LRRC66: variants seen among roughly 807,000 people sequenced by gnomAD.
LRRC66 encodes leucine rich repeat containing 66.
Under a neutral mutation model 24.6 loss-of-function variants are expected in LRRC66, and 29 were observed. That is an observed-to-expected ratio of 1.18 (90% CI 0.88 to 1.61). The LOEUF is 1.61. LRRC66 is among the 40% of genes most tolerant of loss of function. LRRC66 has a pLI of 0.00. For missense variants in LRRC66, 1,124 were observed against 1,058.0 expected, an observed-to-expected ratio of 1.06 and a Z score of -0.87; for synonymous variants, 411 against 397.6, an observed-to-expected ratio of 1.03 and a Z score of -0.40.
Position 51,995,431 on chromosome 4 carries a change from T to C in LRRC66, c.1591A>G (p.Asn531Asp), listed in dbSNP as rs1394279557. Reference protein sequence around the residue: ...MSAAQDHIHRNDILGEWTYET... With the variant: ...MSAAQDHIHRDDILGEWTYET... ...TAAGTCCATTCTCCGAGAATATCAT[T>C]CCTATGGATGTGGTCCTGCGCTGCT... Residue 531 changes from asparagine (N) to aspartate (D), a missense_variant, in exon 5 of 5, where the codon AAT (asparagine) becomes GAT (aspartate). Asn to Asp is a conservative substitution (Grantham distance 23). Coordinates refer to ENST00000682860, the MANE Select transcript of LRRC66 (RefSeq NM_001024611.3). 4 of 1,614,022 alleles carry C rather than the reference T, an allele frequency of 2.5e-6. No homozygotes were observed. The highest frequency in any genetic ancestry group is 2.2e-5 in the East Asian group (1 of 44,876).
At position 51,995,187 on chromosome 4, in the gene LRRC66, G is replaced by A; in HGVS notation, c.1835C>T (p.Ser612Leu). 6.2e-7 allele frequency: 1 copy of A among 1,614,210 alleles called. No individual in the cohort carries two copies. The highest frequency in any genetic ancestry group is 8.5e-7 in the Non-Finnish European group (1 of 1,180,034). ...AAATTCCATCTGCGAGTCCCAAAGTGACTGTTCAGTGCCCCCTCTTTCCTT... is the reference window on the plus strand; with the variant it reads ...AAATTCCATCTGCGAGTCCCAAAGTAACTGTTCAGTGCCCCCTCTTTCCTT... ...DSKERGGTEQ[S>L]LWDSQMEFSK... The change falls in exon 5 of 5, where the codon TCA becomes TTA. Residue 612 changes from serine (S) to leucine (L), a missense_variant. By Grantham distance (145) the Ser-to-Leu change is moderately radical. Coordinates refer to ENST00000682860, the MANE Select transcript of LRRC66 (RefSeq NM_001024611.3).
At chr4:52,013,900 A>G (rs186007047) in intron 2 of LRRC66, among the ~76,000 whole-genome samples, 2 of 152,354 alleles carry the variant, frequency 1.3e-5, no homozygotes, top group East Asian at 3.9e-4. Context: ...TCAGACACAA[A>G]TAATTATCTG....
chr4:52,008,392 C>T (rs2110199692), intron 2 of LRRC66, among the ~76,000 whole-genome samples: 1 of 151,888 alleles, frequency 6.6e-6, no homozygotes, highest in Non-Finnish European at 1.5e-5. Context: ...GACAATTTTG[C>T]CATCCATGGA....
At chr4:52,007,150 GA>G (rs1197013470) in intron 2 of LRRC66, among the ~76,000 whole-genome samples, 1 of 152,094 alleles carries the variant, frequency 6.6e-6, no homozygotes, top group Non-Finnish European at 1.5e-5. Flanking sequence ...TTGAACTTAA[GA>G]GACTGAGGTT....
At chr4:52,004,869 T>G (rs1736538333) in intron 2 of LRRC66, among the ~76,000 whole-genome samples, 1 of 152,200 alleles carries the variant, frequency 6.6e-6, no homozygotes, top group Non-Finnish European at 1.5e-5. Context: ...AGGCAGTCGG[T>G]GCTGAGGACA....
At chr4:52,018,688 A>G (rs1736875561) in intron 1 of LRRC66, 6 of 760,830 alleles carry the variant, frequency 7.9e-6, no homozygotes, top group Non-Finnish European at 9.6e-6. Context: ...AGGGCTCCTT[A>G]TTGCCTATAG....
rs773815280 is a variant in LRRC66 at position 51,995,240 on chromosome 4, A to G, written c.1782T>C (p.His594=). The change falls in exon 5 of 5, where the codon CAT becomes CAC. Residue 594 remains histidine (H), a synonymous_variant. Transcript: ENST00000682860. ...TATCTCCAGTCCTCTGTGCTTCTGC[A>G]TGTGTTAGCATTTTACAGAGGGAAG... ...ITASLCKMLT[H]AEAQRTGDSK... 20 of 1,613,966 alleles carry G rather than the reference A, an allele frequency of 1.2e-5. No homozygotes were observed. Among genetic ancestry groups the G allele is most frequent in the Admixed American group, 5.0e-5 (3 of 59,996 alleles).
At chr4:52,014,672 T>C (rs1736773384) in intron 2 of LRRC66, among the ~76,000 whole-genome samples, 1 of 152,130 alleles carries the variant, frequency 6.6e-6, no homozygotes, top group Non-Finnish European at 1.5e-5. Context: ...CACAGAATCA[T>C]AAAATAGGAA....
intron 1 of LRRC66, chr4:52,018,468 A>G: frequency 3.0e-5 from 30 of 985,420 alleles, no homozygotes; most frequent in Non-Finnish European, 3.6e-5. Context: ...TGAGTATATG[A>G]GTTTCCAAGA....
At chr4:51,996,215 T>C (rs1180128270) in intron 4 of LRRC66, 50 bp from the exon 5 acceptor site, 11 of 1,470,626 alleles carry the variant, frequency 7.5e-6, no homozygotes, top group Non-Finnish European at 1.0e-5. Flanking sequence ...TGAAATAAGA[T>C]TTCAGGGGTT....
At chr4:52,001,558 T>C (rs940754261) in intron 3 of LRRC66, among the ~76,000 whole-genome samples, 11 of 152,328 alleles carry the variant, frequency 7.2e-5, no homozygotes, top group Middle Eastern at 3.4e-3. Context: ...ATTTATAAAG[T>C]ACTTACTGTA....
chr4:51,997,770 A>G lies in LRRC66; in HGVS notation c.834T>C (p.Asn278=), dbSNP rs1736356271. 3 of 1,614,024 alleles carry G rather than the reference A, an allele frequency of 1.9e-6. No homozygotes were observed. Among genetic ancestry groups the G allele is most frequent in the East Asian group, 2.2e-5 (1 of 44,864 alleles). Residue 278 remains asparagine (N), a synonymous_variant, in exon 4 of 5, where the codon AAT becomes AAC. Coordinates refer to ENST00000682860, the MANE Select transcript of LRRC66 (RefSeq NM_001024611.3). ...TACCTATAGACCTGTTGCAAATGAC[A>G]TTCCACTTTTTCCTCCAGGATTCAG... is the stretch of plus-strand genomic sequence containing the variant. ...FISESWRKKW[N]VICNRSIGSE... is the part of the protein sequence containing the mutation.
intron 2 of LRRC66, 102 bp from the exon 3 acceptor site, chr4:52,003,494 T>A: frequency 1.1e-6 from 1 of 946,088 alleles, no homozygotes; most frequent in Non-Finnish European, 1.6e-6. Context: ...AGTTCTCAAT[T>A]GAGGTATTGT....
rs369048643 is a variant in LRRC66 at position 52,003,372 on chromosome 4, A to G, written c.517T>C (p.Leu173=). 82 of 1,613,164 alleles carry G rather than the reference A, an allele frequency of 5.1e-5. No homozygotes were observed. Among genetic ancestry groups the G allele is most frequent in the African/African-American group, 8.0e-5 (6 of 75,028 alleles). Residue 173 remains leucine (L), a synonymous_variant, in exon 3 of 5, where the codon TTG becomes CTG. Coordinates refer to ENST00000682860, the MANE Select transcript of LRRC66 (RefSeq NM_001024611.3). Reference sequence around the variant, plus strand: ...TTGAATGACAGATCCAAACTCTGCAATGACTTCAGTTTCCACAGTCCTGTT... The same window carrying G: ...TTGAATGACAGATCCAAACTCTGCAGTGACTTCAGTTTCCACAGTCCTGTT... ...TPKGLWKLKS[L]QSLDLSFNGI... is the part of the protein sequence containing the mutation.
At chr4:52,000,279 T>C (rs763804410) in intron 3 of LRRC66, among the ~76,000 whole-genome samples, 25 of 152,302 alleles carry the variant, frequency 1.6e-4, no homozygotes, top group Non-Finnish European at 3.2e-4. Flanking sequence ...AGAAGACTCA[T>C]AGAGCACAAT....
In LRRC66 at chr4:51,995,073, G is replaced by A. The variant is rs1177047455; in HGVS notation, c.1949C>T (p.Ser650Leu). Residue 650 changes from serine (S) to leucine (L), a missense_variant, in exon 5 of 5, where the codon TCA (serine) becomes TTA (leucine). Ser to Leu is a moderately radical substitution (Grantham distance 145). Coordinates refer to ENST00000682860, the MANE Select transcript of LRRC66 (RefSeq NM_001024611.3). ...GTATGGAACCTCGCTGTAGTGGGCT[G>A]AAAGCGCTTCCTCAGCCCTTGCCCC... ...LSGARAEEALSAHYSEVPYGD... is the reference protein window; with the variant it reads ...LSGARAEEALLAHYSEVPYGD... 4 of 1,614,080 alleles carry A rather than the reference G, an allele frequency of 2.5e-6. No homozygotes were observed. Among genetic ancestry groups the A allele is most frequent in the Non-Finnish European group, 2.5e-6 (3 of 1,180,048 alleles).
chr4:51,995,949 C>G lies in LRRC66; in HGVS notation c.1073G>C (p.Ser358Thr). The change falls in exon 5 of 5, where the codon AGC becomes ACC. Residue 358 changes from serine (S) to threonine (T), a missense_variant. Physicochemically the swap from Ser to Thr is moderately conservative, Grantham distance 58. Coordinates refer to ENST00000682860, the MANE Select transcript of LRRC66 (RefSeq NM_001024611.3). ...GCCGGCAGCCTGCACATCGCGGGTG[C>G]TTCTAACACTCCTTGGCAGCCGTCT... Reference protein sequence around the residue: ...KQRRLPRSVRSTRDVQAAGKK... With the variant: ...KQRRLPRSVRTTRDVQAAGKK... 6.2e-7 allele frequency: 1 copy of G among 1,614,078 alleles called. No individual in the cohort carries two copies. Among genetic ancestry groups the G allele is most frequent in the South Asian group, 1.1e-5 (1 of 91,070 alleles).
chr4:51,999,520 A>G (rs1736400594), intron 3 of LRRC66, among the ~76,000 whole-genome samples: 1 of 152,160 alleles, frequency 6.6e-6, no homozygotes, highest in African/African-American at 2.4e-5. Flanking sequence ...ACTTAGCTTT[A>G]GTCTGGTCTT....
rs1163918972 is a variant in LRRC66 at position 51,995,537 on chromosome 4, G to A, written c.1485C>T (p.Thr495=). 42 of 1,613,996 alleles carry A rather than the reference G, an allele frequency of 2.6e-5. No individual in the cohort carries two copies. The highest frequency in any genetic ancestry group is 3.5e-5 in the Non-Finnish European group (41 of 1,180,020). ...CACCATCATTTCCACTTCCTGCCCCGGTGTTGTCCCCGCACTGTCCTGGGC... is the reference window on the plus strand; with the variant it reads ...CACCATCATTTCCACTTCCTGCCCCAGTGTTGTCCCCGCACTGTCCTGGGC... ...SQSPGQCGDN[T]GAGSGNDGAV... is the part of the protein sequence containing the mutation. Residue 495 remains threonine, a synonymous_variant, in exon 5 of 5, where the codon ACC becomes ACT. Transcript: ENST00000682860.
Sources: gnomAD v4.1 joint callset for allele counts (sites outside exome capture counted in the v4.1 genomes callset) on GRCh38, gnomAD v4.1.1 for gene constraint, MANE v1.5 for transcripts, NCBI Gene and HGNC (gene_info 2026-07-23, HGNC 2026-07-21) for gene names.